SFMBT2: variants seen among roughly 807,000 people sequenced by gnomAD.
SFMBT2 encodes the protein scm-like with four MBT domains protein 2.
Under a neutral mutation model 110.1 loss-of-function variants are expected in SFMBT2, and 38 were observed. The observed-to-expected ratio is 0.35, with a 90% confidence interval of 0.27 to 0.45. The LOEUF is 0.45. Among genes scored for constraint, SFMBT2 ranks in the 20% least tolerant of loss-of-function variants. The pLI is 1.00. For missense variants in SFMBT2, 1,011 were observed against 1,094.9 expected (o/e 0.92, Z 1.08); for synonymous variants, 425 against 425.4 (o/e 1.00, Z 0.01).
chr10:7,278,099 C>G (rs963845343), intron 6 of SFMBT2, among the ~76,000 whole-genome samples: 2 of 152,222 alleles, frequency 1.3e-5, no homozygotes, highest in African/African-American at 2.4e-5. Context: ...AACCACACAT[C>G]CTCTGCGTGT....
intron 10 of SFMBT2, among the ~76,000 whole-genome samples, chr10:7,223,129 C>G (rs1839799243): frequency 6.6e-6 from 1 of 152,146 alleles, no homozygotes; most frequent in Non-Finnish European, 1.5e-5. Flanking sequence ...CAACCCATAC[C>G]ATTAAGTTTG....
intron 11 of SFMBT2, chr10:7,214,662 A>G: frequency 2.0e-6 from 2 of 985,514 alleles, no homozygotes; most frequent in Non-Finnish European, 2.4e-6. Context: ...TGTGCTTGTC[A>G]GTGTGGAATG....
intron 6 of SFMBT2, 50 bp from the exon 7 acceptor site, chr10:7,277,039 C>T (rs193008321): frequency 1.3e-5 from 11 of 823,574 alleles, no homozygotes; most frequent in African/African-American, 5.0e-5. Context: ...CACGTTCTGC[C>T]GGGTGACTCT....
intron 4 of SFMBT2, among the ~76,000 whole-genome samples, chr10:7,322,476 C>T (rs1242909351): frequency 6.6e-6 from 1 of 152,216 alleles, no homozygotes; most frequent in Admixed American, 6.5e-5. Flanking sequence ...CTGAAACTGA[C>T]TGGCCCTGAA....
intron 6 of SFMBT2, among the ~76,000 whole-genome samples, chr10:7,281,757 G>A (rs960865193): frequency 6.6e-6 from 1 of 152,146 alleles, no homozygotes; most frequent in Non-Finnish European, 1.5e-5. Flanking sequence ...TCACTTTTTA[G>A]TTTCTTCTTC....
chr10:7,243,469 C>A lies in SFMBT2; in HGVS notation c.1120+89G>T, dbSNP rs114511635. ...ACATCTAAACCCTTTACACAACCAG[C>A]CTCCCCAGATTAATGCAGGTGTTAC... On this transcript the variant is annotated intron_variant, in intron 9 of 20. Transcript: ENST00000397167. 2,307 of 799,798 alleles carry A rather than the reference C, an allele frequency of 2.9e-3. 35 individuals carry two copies. In the African/African-American group the frequency reaches 0.034, roughly 12 times the overall value. The allele number at this position is 799,798 out of a possible 1,614,324, so 49.5% of individuals were successfully genotyped here.
At chr10:7,308,207 A>T (rs564755347) in intron 4 of SFMBT2, among the ~76,000 whole-genome samples, 21 of 152,182 alleles carry the variant, frequency 1.4e-4, no homozygotes, top group African/African-American at 3.9e-4. Context: ...CATTTTTTTT[A>T]AATTAGCCAG....
chr10:7,197,464 CT>C, intron 15 of SFMBT2, 83 bp downstream of exon 15: 1 of 1,546,254 alleles, frequency 6.5e-7, no homozygotes, highest in South Asian at 1.2e-5. Flanking sequence ...CTTCCAATGC[CT>C]ATTCCCTCCT....
At chr10:7,198,159 T>C in intron 14 of SFMBT2, 2 of 985,038 alleles carry the variant, frequency 2.0e-6, no homozygotes, top group Non-Finnish European at 1.2e-6. Flanking sequence ...CCATAAATTA[T>C]TTCCTGCAAG....
chr10:7,189,239 A>C (rs1838517591), intron 15 of SFMBT2: 1 of 913,458 alleles, frequency 1.1e-6, no homozygotes, highest in African/African-American at 1.8e-5. Context: ...GGCTCAATTC[A>C]TGGACATTTA....
Position 7,410,978 on chromosome 10 carries a change from G to A in SFMBT2, c.-169C>T, listed in dbSNP as rs374025184. Reference sequence around the variant, plus strand: ...CTTGCCCGCTCGCTCCCCGCCCGCCGCCTCCCTCGCGCGCCCGCTCCGGTC... The same window carrying A: ...CTTGCCCGCTCGCTCCCCGCCCGCCACCTCCCTCGCGCGCCCGCTCCGGTC... On this transcript the variant is annotated 5_prime_UTR_variant, in exon 1 of 21. Transcript: ENST00000397167. 1.8e-4 allele frequency among the ~76,000 whole-genome samples: 26 copies of A among 144,840 alleles called. No individual in the cohort carries two copies. The highest frequency in any genetic ancestry group is 1.3e-3 in the East Asian group (6 of 4,764).
At chr10:7,274,462 C>T (rs1247375423) in intron 7 of SFMBT2, among the ~76,000 whole-genome samples, 1 of 152,188 alleles carries the variant, frequency 6.6e-6, no homozygotes, top group East Asian at 1.9e-4. Flanking sequence ...CCATGCTATT[C>T]TCCTGATAGT....
intron 2 of SFMBT2, among the ~76,000 whole-genome samples, chr10:7,379,194 C>A (rs1427710296): frequency 6.6e-6 from 1 of 152,120 alleles, no homozygotes; most frequent in African/African-American, 2.4e-5. Context: ...CTGGGTTTGC[C>A]TCCTCCTGTA....
chr10:7,325,806 T>A (rs1843365213), intron 4 of SFMBT2, among the ~76,000 whole-genome samples: 1 of 152,222 alleles, frequency 6.6e-6, no homozygotes, highest in South Asian at 2.1e-4. Context: ...TTTGGGATGA[T>A]GAAAATGTTC....
In SFMBT2 at chr10:7,367,624, C is replaced by A. The variant is rs200757345; in HGVS notation, c.436+25G>T. On this transcript the variant is annotated intron_variant, in intron 4 of 20. Transcript: ENST00000397167. This position sits in a 1 kb window ranked among gnomAD's most constrained non-coding sequence, Gnocchi z 6.2. ...TCATGAAGGATGGCGGCTCGTAAAT[C>A]GAAGCCTTTGAAACAGGGGCTCACC... is the stretch of plus-strand genomic sequence containing the variant. 1.3e-5 allele frequency: 21 copies of A among 1,597,172 alleles called. No individual in the cohort carries two copies. Among genetic ancestry groups the A allele is most frequent in the Non-Finnish European group, 1.7e-5 (20 of 1,170,042 alleles).
At chr10:7,181,096 G>A (rs1431093434) in intron 16 of SFMBT2, among the ~76,000 whole-genome samples, 1 of 151,962 alleles carries the variant, frequency 6.6e-6, no homozygotes, top group African/African-American at 2.4e-5. Context: ...AAAAACAGCT[G>A]GGCATGGTGG....
intron 8 of SFMBT2, among the ~76,000 whole-genome samples, chr10:7,247,243 AG>A (rs1840646857): frequency 6.6e-6 from 1 of 152,046 alleles, no homozygotes; most frequent in South Asian, 2.1e-4. Context: ...CAGCCTCCCA[AG>A]AAGCTGGGAT....
At chr10:7,372,197 C>T (rs1241666135) in intron 2 of SFMBT2, among the ~76,000 whole-genome samples, 1 of 152,060 alleles carries the variant, frequency 6.6e-6, no homozygotes, top group African/African-American at 2.4e-5. Flanking sequence ...GGATTACAGG[C>T]GTGAGCCGCC....
At chr10:7,347,531 GA>G (rs1844155784) in intron 4 of SFMBT2, among the ~76,000 whole-genome samples, 2 of 152,112 alleles carry the variant, frequency 1.3e-5, no homozygotes, top group Non-Finnish European at 2.9e-5. Context: ...ATGAAATTTA[GA>G]AGGAGAAAAG....
Sources: gnomAD v4.1 joint callset for allele counts (sites outside exome capture counted in the v4.1 genomes callset) on GRCh38, gnomAD v4.1.1 for gene constraint, Gnocchi (gnomAD v3.1) non-coding constraint, MANE v1.5 for transcripts, NCBI Gene and HGNC (gene_info 2026-07-23, HGNC 2026-07-21) for gene names.